Variants in DNAH11 observed in about 807,000 individuals in gnomAD.
DNAH11 encodes the protein axonemal beta dynein heavy chain 11.
DNAH11 carries 442 observed loss-of-function variants against 526.0 expected under a neutral mutation model. The ratio of observed to expected loss-of-function variants is 0.84; its 90% CI spans 0.78 to 0.91. The LOEUF is 0.91. DNAH11 is among the 40% of genes least tolerant of loss of function. DNAH11 has a pLI of 0.00. For synonymous variants in DNAH11, 2,461 were observed against 1,935.9 expected, an observed-to-expected ratio of 1.27 and a Z score of -7.12; for missense variants, 6,989 against 5,448.7, an observed-to-expected ratio of 1.28 and a Z score of -8.90.
At chr7:21,572,040 G>C in intron 8 of DNAH11, 67 bp downstream of exon 8, 1 of 1,338,462 alleles carries the variant, frequency 7.5e-7, no homozygotes, top group Non-Finnish European at 9.8e-7. Context: ...AAGGAAGATA[G>C]GTCACAGTGA....
At chr7:21,709,063 A>G (rs956440775) in intron 40 of DNAH11, among the ~76,000 whole-genome samples, 1 of 152,202 alleles carries the variant, frequency 6.6e-6, no homozygotes, top group Non-Finnish European at 1.5e-5. Flanking sequence ...TGACCCAGCA[A>G]TCCCATTACT....
At chr7:21,722,397 A>C (rs1784914876) in intron 44 of DNAH11, among the ~76,000 whole-genome samples, 1 of 152,128 alleles carries the variant, frequency 6.6e-6, no homozygotes, top group Non-Finnish European at 1.5e-5. Context: ...CACATTTTCC[A>C]GGCTTCCTTG....
chr7:21,576,763 AAAC>A (rs1245276618), intron 8 of DNAH11, among the ~76,000 whole-genome samples: 2 of 152,224 alleles, frequency 1.3e-5, no homozygotes, highest in Non-Finnish European at 2.9e-5. Flanking sequence ...GGAAATGTAA[AAAC>A]AAAGTGTTCA....
intron 68 of DNAH11, among the ~76,000 whole-genome samples, chr7:21,855,253 T>A (rs1298215218): frequency 6.6e-6 from 1 of 152,026 alleles, no homozygotes; most frequent in African/African-American, 2.4e-5. Flanking sequence ...GAATGATCTC[T>A]ATCTCCTGAC....
intron 59 of DNAH11, among the ~76,000 whole-genome samples, chr7:21,787,182 A>T (rs1438455611): frequency 6.6e-6 from 1 of 152,088 alleles, no homozygotes; most frequent in Non-Finnish European, 1.5e-5. Context: ...CTGTGCTGGG[A>T]CTGAATATTT....
rs1347377165 is a variant in DNAH11 at position 21,901,040 on chromosome 7, T to C, written c.13337T>C (p.Val4446Ala). ...TGGGACACCCAAGCAGGAACCATTGTTGAAGCCCGTCTCAAGGAGCTGGCA... is the reference window on the plus strand; with the variant it reads ...TGGGACACCCAAGCAGGAACCATTGCTGAAGCCCGTCTCAAGGAGCTGGCA... ...ARWDTQAGTIVEARLKELACP... is the reference protein window; with the variant it reads ...ARWDTQAGTIAEARLKELACP... Residue 4446 changes from valine to alanine, a missense_variant, in exon 82 of 82, where the codon GTT becomes GCT. Transcript: ENST00000409508. The C allele has an allele frequency of 1.2e-6, 2 of 1,612,388 alleles. No individual in the cohort carries two copies. The highest frequency in any genetic ancestry group is 8.5e-7 in the Non-Finnish European group (1 of 1,179,116).
At chr7:21,853,510 G>T (rs1782719504) in intron 67 of DNAH11, among the ~76,000 whole-genome samples, 1 of 152,154 alleles carries the variant, frequency 6.6e-6, no homozygotes, top group South Asian at 2.1e-4. Context: ...CTTAAAATGT[G>T]TCTTCCTATC....
intron 28 of DNAH11, among the ~76,000 whole-genome samples, chr7:21,644,513 T>G (rs13239084): frequency 6.6e-6 from 1 of 151,994 alleles, no homozygotes; most frequent in East Asian, 1.9e-4. Flanking sequence ...ATTCTAACTT[T>G]CCTAAAGGAA....
chr7:21,608,079 C>A (rs1220020871), intron 20 of DNAH11, among the ~76,000 whole-genome samples: 2 of 149,326 alleles, frequency 1.3e-5, no homozygotes, highest in African/African-American at 4.9e-5. Flanking sequence ...AACCACTATA[C>A]CCTTTCTCTT....
At chr7:21,867,740 C>G in intron 71 of DNAH11, 119 bp from the exon 72 acceptor site, 1 of 828,678 alleles carries the variant, frequency 1.2e-6, no homozygotes, top group South Asian at 1.9e-5. Flanking sequence ...AACAAGACAT[C>G]CCATGTAATA....
intron 2 of DNAH11, among the ~76,000 whole-genome samples, chr7:21,551,647 C>T (rs1049401980): frequency 2.6e-5 from 4 of 152,176 alleles, no homozygotes; most frequent in African/African-American, 9.7e-5. Context: ...CCATAAATGA[C>T]AGCATGGCCA....
At chr7:21,859,070 C>G (rs533253003) in intron 68 of DNAH11, among the ~76,000 whole-genome samples, 1 of 152,108 alleles carries the variant, frequency 6.6e-6, no homozygotes, top group South Asian at 2.1e-4. Flanking sequence ...TAACTTCAGG[C>G]TATGTGTATA....
rs1247458095 is a variant in DNAH11 at position 21,623,451 on chromosome 7, C to G, written c.4500+3373C>G. Among the ~76,000 whole-genome samples, 4 of 152,330 alleles carry G rather than the reference C, an allele frequency of 2.6e-5. No individual in the cohort carries two copies. The East Asian group carries it at 7.7e-4, about 29-fold the overall frequency. On this transcript the variant is annotated intron_variant, in intron 25 of 81. Transcript: ENST00000409508. ...AACTAGAAATACCGTTTGACCCAGG[C>G]ATCCCATTACTGGGTATATACCCAA...
At position 21,839,933 on chromosome 7, in the gene DNAH11, G is replaced by A. The variant is rs546050213; in HGVS notation, c.10692-2611G>A. ...TTTGGGATTTTAAATTCATATTCAG[G>A]CAACAAAAGCTTTAGTAATGTAAGA... On this transcript the variant is annotated intron_variant, in intron 65 of 81. Coordinates refer to ENST00000409508, the MANE Select transcript of DNAH11 (RefSeq NM_001277115.2). Among the ~76,000 whole-genome samples the A allele has an allele frequency of 1.3e-4, 20 of 152,222 alleles. No individual in the cohort carries two copies. The East Asian group carries it at 3.9e-3, about 29-fold the overall frequency.
Position 21,843,053 on chromosome 7 carries a change from T to A in DNAH11, c.10896+305T>A, listed in dbSNP as rs1782275898. Among the ~76,000 whole-genome samples, 4 of 152,314 alleles carry A rather than the reference T, an allele frequency of 2.6e-5. No homozygotes were observed. In the South Asian group the frequency reaches 8.3e-4, roughly 32 times the overall value. ...CCAGGTATGTTGGAATGTAATCGAC[T>A]AATTTAGCCTGGGCTAAAGAATGAA... is the stretch of plus-strand genomic sequence containing the variant. On this transcript the variant is annotated intron_variant, in intron 66 of 81. Coordinates refer to ENST00000409508, the MANE Select transcript of DNAH11 (RefSeq NM_001277115.2).
rs1784296511 is a variant in DNAH11, at chr7:21,890,674, C to T, written c.12508-1751C>T. Among the ~76,000 whole-genome samples the T allele has an allele frequency of 2.6e-5, 4 of 152,244 alleles. No individual in the cohort carries two copies. In the South Asian group the frequency reaches 8.3e-4, roughly 32 times the overall value. Reference sequence around the variant, plus strand: ...TTCTGGCTACTTTATCCATCATAGACTAATAATAATGAGTTTAACTCTCCT... The same window carrying T: ...TTCTGGCTACTTTATCCATCATAGATTAATAATAATGAGTTTAACTCTCCT... On this transcript the variant is annotated intron_variant, in intron 76 of 81. Transcript: ENST00000409508.
At chr7:21,704,699 CT>C in intron 38 of DNAH11, 71 bp downstream of exon 38, 1 of 1,514,510 alleles carries the variant, frequency 6.6e-7, no homozygotes, top group Non-Finnish European at 8.9e-7. Flanking sequence ...CTAATTGATA[CT>C]AAAGCAAGAT....
At chr7:21,826,324 A>G (rs1192185431) in intron 65 of DNAH11, among the ~76,000 whole-genome samples, 2 of 152,234 alleles carry the variant, frequency 1.3e-5, no homozygotes, top group Non-Finnish European at 2.9e-5. Context: ...GTATTCATAC[A>G]TATGCAAAGT....
Position 21,655,933 on chromosome 7 carries a change from A to G in DNAH11, c.5046A>G (p.Lys1682=). 6.2e-7 allele frequency: 1 copy of G among 1,612,694 alleles called. No individual in the cohort carries two copies. The highest frequency in any genetic ancestry group is 8.5e-7 in the Non-Finnish European group (1 of 1,179,210). ...SAHRAVGMYS[K]EKEYVPFQAE... is the part of the protein sequence containing the mutation. ...ACAGGGCAGTTGGAATGTACAGCAA[A>G]GAAAAGGAGTATGTCCCATTCCAAG... The change falls in exon 29 of 82, where the codon AAA becomes AAG. Residue 1682 remains lysine, a synonymous_variant. Transcript: ENST00000409508.
Sources: allele counts gnomAD v4.1 joint callset (sites outside exome capture counted in the v4.1 genomes callset), GRCh38; gene constraint gnomAD v4.1.1; transcripts MANE v1.5; gene names NCBI Gene and HGNC (gene_info 2026-07-23, HGNC 2026-07-21).